Variants in NEO1 observed in about 807,000 individuals in gnomAD.
The protein encoded by NEO1 is neogenin 1.
NEO1 carries 63 observed loss-of-function variants against 159.7 expected under a neutral mutation model. That is an observed-to-expected ratio of 0.39 (90% CI 0.32 to 0.49). The LOEUF is 0.49. Among genes scored for constraint, NEO1 ranks in the 20% least tolerant of loss-of-function variants. The pLI, the probability that NEO1 is intolerant of heterozygous loss-of-function variation, is 0.85. For missense variants in NEO1, 1,615 were observed against 1,831.0 expected, an observed-to-expected ratio of 0.88 and a Z score of 2.15; for synonymous variants, 633 against 662.0, an observed-to-expected ratio of 0.96 and a Z score of 0.67.
At chr15:73,119,465 A>G (rs1033722249) in intron 2 of NEO1, among the ~76,000 whole-genome samples, 5 of 152,230 alleles carry the variant, frequency 3.3e-5, no homozygotes, top group Non-Finnish European at 5.9e-5. Context: ...TCATTTCTCC[A>G]CAACCAAAAT....
At chr15:73,059,408 C>T (rs1033361434) in intron 1 of NEO1, among the ~76,000 whole-genome samples, 4 of 152,072 alleles carry the variant, frequency 2.6e-5, no homozygotes, top group Admixed American at 6.5e-5. Context: ...TATTTCATAG[C>T]GAGAATCCTT....
chr15:73,274,033 TTG>T (rs1401669079), intron 20 of NEO1, 28 bp downstream of exon 20: 2 of 1,603,002 alleles, frequency 1.2e-6, no homozygotes, highest in African/African-American at 1.3e-5. Context: ...GAGGGTTTTG[TTG>T]TGTGTCTCTT....
At chr15:73,267,318 A>G (rs557999859) in intron 16 of NEO1, among the ~76,000 whole-genome samples, 4 of 152,356 alleles carry the variant, frequency 2.6e-5, no homozygotes, top group Admixed American at 6.5e-5. Flanking sequence ...AAATTTTTCT[A>G]TAGATATATA....
chr15:73,111,696 C>T (rs2071000048), intron 1 of NEO1, among the ~76,000 whole-genome samples: 1 of 152,166 alleles, frequency 6.6e-6, no homozygotes, highest in Non-Finnish European at 1.5e-5. Context: ...TCTTGGCTCA[C>T]TGCATCCTCT....
Position 73,065,941 on chromosome 15 carries a change from C to A in NEO1, c.130+13136C>A, listed in dbSNP as rs142077778. ...GTAATAGTCCTGATAACTTTACATT[C>A]TGATTAGAGGCAGCACTCTCTATAT... On this transcript the variant is annotated intron_variant, in intron 1 of 28. Coordinates refer to ENST00000261908, the MANE Select transcript of NEO1 (RefSeq NM_002499.4). Among the ~76,000 whole-genome samples, 509 of 152,114 alleles carry A rather than the reference C, an allele frequency of 3.3e-3. 4 individuals carry two copies. In the Middle Eastern group the frequency reaches 0.051, roughly 15 times the overall value.
intron 4 of NEO1, 107 bp downstream of exon 4, chr15:73,126,677 CA>C: frequency 1.0e-6 from 1 of 997,382 alleles, no homozygotes; most frequent in Non-Finnish European, 1.4e-6. Context: ...TTTATTTAAA[CA>C]CATCATAATG....
intron 7 of NEO1, among the ~76,000 whole-genome samples, chr15:73,200,144 C>T (rs2036775904): frequency 6.6e-6 from 1 of 152,164 alleles, no homozygotes; most frequent in South Asian, 2.1e-4. Flanking sequence ...GTAGAATTCA[C>T]CAGTGAAACT....
At chr15:73,166,468 C>A (rs771725626) in intron 5 of NEO1, among the ~76,000 whole-genome samples, 1 of 152,068 alleles carries the variant, frequency 6.6e-6, no homozygotes. Flanking sequence ...CAAGGAGAAT[C>A]GGATAGCTCA....
At chr15:73,127,095 G>C (rs990628001) in intron 4 of NEO1, among the ~76,000 whole-genome samples, 1 of 152,068 alleles carries the variant, frequency 6.6e-6, no homozygotes, top group African/African-American at 2.4e-5. Flanking sequence ...GCTGGGCGTT[G>C]TGGCATGTGC....
intron 1 of NEO1, among the ~76,000 whole-genome samples, chr15:73,082,513 G>GA (rs1463502996): frequency 1.3e-5 from 2 of 150,794 alleles, no homozygotes; most frequent in East Asian, 3.9e-4. Flanking sequence ...TTGATTCACA[G>GA]AAAAAACAGT....
Position 73,122,048 on chromosome 15 carries a change from G to GGT in NEO1, c.449-462_449-461dup, listed in dbSNP as rs146333563. Among the ~76,000 whole-genome samples, 430 of 102,870 alleles carry GGT rather than the reference G, an allele frequency of 4.2e-3. 2 individuals carry two copies. The highest frequency in any genetic ancestry group is 9.4e-3 in the African/African-American group (292 of 31,066). The allele number at this position is 102,870 out of a possible 152,430, so 67.5% of individuals were successfully genotyped here. A position where few individuals can be genotyped will look rare whatever the true frequency, so the allele number is the denominator to read the frequency against. On this transcript the variant is annotated intron_variant, in intron 2 of 28. Coordinates refer to ENST00000261908, the MANE Select transcript of NEO1 (RefSeq NM_002499.4). ...TGGACAGGGCTAGGAAATATATAGG[G>GGT]GTGTGTGTGTGTGTGTATATATATA...
chr15:73,165,208 T>C (rs1354437063), intron 5 of NEO1, among the ~76,000 whole-genome samples: 1 of 151,330 alleles, frequency 6.6e-6, no homozygotes, highest in South Asian at 2.1e-4. Flanking sequence ...TTTAAATACA[T>C]AGAAAAATGT....
In NEO1 at chr15:73,144,433, A is replaced by G. The variant is rs569000545; in HGVS notation, c.1015+8406A>G. Among the ~76,000 whole-genome samples the G allele has an allele frequency of 3.3e-5, 5 of 152,304 alleles. No individual in the cohort carries two copies. The South Asian group carries it at 1.0e-3, about 32-fold the overall frequency. The stretch of plus-strand genomic sequence containing the variant: ...TCATGATTCAAAGCTAAGTGCATTG[A>G]CGTCTTTAATCCCAACTCCATGAGA... On this transcript the variant is annotated intron_variant, in intron 5 of 28. Transcript: ENST00000261908.
intron 16 of NEO1, 148 bp from the exon 17 acceptor site, chr15:73,269,862 G>C (rs887649093): frequency 2.9e-6 from 2 of 696,760 alleles, no homozygotes; most frequent in Non-Finnish European, 5.0e-6. Context: ...TCTTTTAAAT[G>C]AATGGTGGTT....
chr15:73,286,164 T>G (rs1309030156), intron 23 of NEO1, among the ~76,000 whole-genome samples: 2 of 150,314 alleles, frequency 1.3e-5, no homozygotes, highest in African/African-American at 4.9e-5. Context: ...CTTATACTCT[T>G]ATGTCTGTTC....
At position 73,253,468 on chromosome 15, in the gene NEO1, GC is replaced by G; in HGVS notation, c.1944+20del. On this transcript the variant is annotated intron_variant, in intron 12 of 28. Transcript: ENST00000261908. The stretch of plus-strand genomic sequence containing the variant: ...TTCAAAGGTAAAACTGTATGATGCT[GC>G]TGTTCATTTTTACTGGTATACTGTT... 1 of 1,579,410 alleles carries G rather than the reference GC, an allele frequency of 6.3e-7. No individual in the cohort carries two copies. Among genetic ancestry groups the G allele is most frequent in the Non-Finnish European group, 8.6e-7 (1 of 1,160,526 alleles).
At chr15:73,280,985 C>A (rs2041667517) in intron 22 of NEO1, among the ~76,000 whole-genome samples, 2 of 151,664 alleles carry the variant, frequency 1.3e-5, no homozygotes, top group African/African-American at 4.8e-5. Flanking sequence ...GTAGGCAGAT[C>A]ACGAGGTCAG....
Position 73,060,011 on chromosome 15 carries a change from A to G in NEO1, c.130+7206A>G, listed in dbSNP as rs1253800295. Among the ~76,000 whole-genome samples the G allele has an allele frequency of 3.9e-5, 6 of 152,044 alleles. No homozygotes were observed. The East Asian group carries it at 7.7e-4, about 20-fold the overall frequency. The stretch of plus-strand genomic sequence containing the variant: ...ATACTATGTGGAAATTGAAAACAGA[A>G]TGTTTCTGTTTTTCTGCTGTAGTGG... On this transcript the variant is annotated intron_variant, in intron 1 of 28. Transcript: ENST00000261908.
At chr15:73,121,141 T>C (rs2071621651) in intron 2 of NEO1, among the ~76,000 whole-genome samples, 1 of 152,184 alleles carries the variant, frequency 6.6e-6, no homozygotes, top group Non-Finnish European at 1.5e-5. Flanking sequence ...AATACAATAC[T>C]ACTGTTTAAT....
Sources: allele counts gnomAD v4.1 joint callset (sites outside exome capture counted in the v4.1 genomes callset), GRCh38; gene constraint gnomAD v4.1.1; transcripts MANE v1.5; gene names NCBI Gene and HGNC (gene_info 2026-07-23, HGNC 2026-07-21).